TRPM3: variants seen among roughly 807,000 people sequenced by gnomAD.
TRPM3 encodes long transient receptor potential channel 3.
TRPM3 carries 77 observed loss-of-function variants against 181.2 expected under a neutral mutation model. The ratio of observed to expected loss-of-function variants is 0.42; its 90% CI spans 0.35 to 0.51. The LOEUF (loss-of-function observed/expected upper bound fraction) is 0.51. TRPM3 is among the 20% of genes least tolerant of loss of function. The pLI, the probability that TRPM3 is intolerant of heterozygous loss-of-function variation, is 0.01. For synonymous variants in TRPM3, 745 were observed against 796.4 expected, an observed-to-expected ratio of 0.94 and a Z score of 1.09; for missense variants, 1,759 against 2,196.7, an observed-to-expected ratio of 0.80 and a Z score of 3.98.
At chr9:70,975,906 T>C (rs2097297394) in intron 1 of TRPM3, among the ~76,000 whole-genome samples, 1 of 152,230 alleles carries the variant, frequency 6.6e-6, no homozygotes, top group African/African-American at 2.4e-5. Flanking sequence ...GCTCCTTGAA[T>C]GGCTGCTGTG....
At chr9:70,776,503 T>C (rs1262537828) in intron 7 of TRPM3, 4 of 694,086 alleles carry the variant, frequency 5.8e-6, no homozygotes, top group Non-Finnish European at 1.1e-5. Flanking sequence ...CAAAAAATGA[T>C]TTGCAAAAGA....
At chr9:70,803,034 A>G (rs56272200) in intron 6 of TRPM3, among the ~76,000 whole-genome samples, 1 of 62,786 alleles carries the variant, frequency 1.6e-5, no homozygotes, top group Non-Finnish European at 3.6e-5. Context: ...GAAATTTTGT[A>G]AAAAAAAAAA....
chr9:71,253,546 T>G (rs577818243), intron 1 of TRPM3, among the ~76,000 whole-genome samples: 1 of 152,192 alleles, frequency 6.6e-6, no homozygotes, highest in Non-Finnish European at 1.5e-5. Flanking sequence ...GGTTAAAGTT[T>G]CAATTGTTCT....
At position 70,640,575 on chromosome 9, in the gene TRPM3, G is replaced by A. The variant is rs763324534; in HGVS notation, c.1431C>T (p.Tyr477=). ...TATACTCTACCGGCCACTGTTGCCCGTAAATAAAGATCTGGCTGCGAGCGA... is the reference window on the plus strand; with the variant it reads ...TATACTCTACCGGCCACTGTTGCCCATAAATAAAGATCTGGCTGCGAGCGA... ...VDIARSQIFI[Y]GQQWPVGSLE... is the part of the protein sequence containing the mutation. Residue 477 remains tyrosine (Y), a synonymous_variant, in exon 10 of 26, where the codon TAC becomes TAT. Transcript: ENST00000677713. The A allele has an allele frequency of 8.1e-6, 13 of 1,613,214 alleles. No homozygotes were observed. Among genetic ancestry groups the A allele is most frequent in the South Asian group, 3.3e-5 (3 of 90,886 alleles).
intron 1 of TRPM3, chr9:70,917,157 G>A: frequency 6.2e-7 from 1 of 1,605,808 alleles, no homozygotes; most frequent in Non-Finnish European, 8.5e-7. Context: ...GGGGCATACT[G>A]GTCCAGTTCT....
At chr9:70,590,169 C>G (rs1389583874) in intron 22 of TRPM3, among the ~76,000 whole-genome samples, 1 of 152,194 alleles carries the variant, frequency 6.6e-6, no homozygotes, top group Non-Finnish European at 1.5e-5. Context: ...CTCCTCCACA[C>G]TGAAAGATGT....
At chr9:70,678,959 A>C (rs2064743908) in intron 9 of TRPM3, among the ~76,000 whole-genome samples, 1 of 152,254 alleles carries the variant, frequency 6.6e-6, no homozygotes, top group African/African-American at 2.4e-5. Flanking sequence ...TAGAGTTGAC[A>C]CATCATAATC....
chr9:70,871,585 C>T (rs1352461031), intron 1 of TRPM3, among the ~76,000 whole-genome samples: 1 of 151,966 alleles, frequency 6.6e-6, no homozygotes, highest in African/African-American at 2.4e-5. Context: ...GCAACTTTTT[C>T]ATGTGAGGTT....
chr9:71,006,133 C>A (rs992140913), intron 1 of TRPM3, among the ~76,000 whole-genome samples: 9 of 152,076 alleles, frequency 5.9e-5, no homozygotes, highest in Admixed American at 2.0e-4. Context: ...CTGTTATAAT[C>A]ATAAGATGTT....
intron 9 of TRPM3, among the ~76,000 whole-genome samples, chr9:70,655,189 C>A (rs529957777): frequency 6.7e-6 from 1 of 149,700 alleles, no homozygotes; most frequent in Admixed American, 6.6e-5. Context: ...GCCTGTAATC[C>A]CTGGTACTCA....
intron 6 of TRPM3, among the ~76,000 whole-genome samples, chr9:70,792,905 T>C (rs551683066): frequency 3.4e-4 from 51 of 152,186 alleles, no homozygotes; most frequent in Non-Finnish European, 1.3e-4. Flanking sequence ...CTACTCAATT[T>C]TGTATAATTA....
At chr9:71,046,565 G>T (rs2059463030) in intron 1 of TRPM3, among the ~76,000 whole-genome samples, 1 of 152,092 alleles carries the variant, frequency 6.6e-6, no homozygotes, top group Non-Finnish European at 1.5e-5. Context: ...GGATTTCCAG[G>T]TTATCAGCTA....
chr9:70,959,498 G>A (rs2097115044), intron 1 of TRPM3, among the ~76,000 whole-genome samples: 1 of 151,900 alleles, frequency 6.6e-6, no homozygotes. Context: ...AGAAAGGCAT[G>A]CTCATTTGGC....
At chr9:70,662,490 A>G (rs891756476) in intron 9 of TRPM3, among the ~76,000 whole-genome samples, 1 of 152,182 alleles carries the variant, frequency 6.6e-6, no homozygotes, top group Non-Finnish European at 1.5e-5. Flanking sequence ...TTCACAAACT[A>G]TGCATCCAAC....
intron 7 of TRPM3, chr9:70,783,748 G>A: frequency 1.4e-6 from 1 of 703,156 alleles, no homozygotes; most frequent in Non-Finnish European, 1.8e-6. Context: ...GAACCATCTG[G>A]TACAGACTGG....
chr9:71,197,913 T>G (rs1195096507), intron 1 of TRPM3, among the ~76,000 whole-genome samples: 1 of 150,906 alleles, frequency 6.6e-6, no homozygotes. Flanking sequence ...TTGTTGCCAT[T>G]GCTTTTGGTG....
chr9:71,263,491 AGCTC>A (rs1416777885), intron 1 of TRPM3, among the ~76,000 whole-genome samples: 1 of 152,212 alleles, frequency 6.6e-6, no homozygotes, highest in Non-Finnish European at 1.5e-5. Flanking sequence ...TTTGAGCAGT[AGCTC>A]TCAGGGCACT....
intron 1 of TRPM3, among the ~76,000 whole-genome samples, chr9:71,068,501 A>G (rs1282226453): frequency 6.6e-6 from 1 of 152,118 alleles, no homozygotes; most frequent in East Asian, 1.9e-4. Context: ...ACTACCAAAC[A>G]TGATGTCCTA....
At chr9:71,410,916 G>T (rs1359057246) in intron 1 of TRPM3, among the ~76,000 whole-genome samples, 1 of 152,152 alleles carries the variant, frequency 6.6e-6, no homozygotes, top group Admixed American at 6.5e-5. Flanking sequence ...GGTCAAGTTG[G>T]CTTCATCCCT....
Sources: allele counts gnomAD v4.1 joint callset (sites outside exome capture counted in the v4.1 genomes callset), GRCh38; gene constraint gnomAD v4.1.1; transcripts MANE v1.5; gene names NCBI Gene and HGNC (gene_info 2026-07-23, HGNC 2026-07-21).